The following MCPH1 variants were observed in gnomAD, a reference collection of about 807,000 sequenced individuals.
MCPH1 encodes the protein microcephalin 1, also known as microcephalin.
In MCPH1, 104 loss-of-function variants were observed where a neutral mutation model predicts 84.5. The ratio of observed to expected loss-of-function variants is 1.23; its 90% CI spans 1.05 to 1.45. The LOEUF (loss-of-function observed/expected upper bound fraction) is 1.45. Ranked by LOEUF, MCPH1 falls within the 40% of genes most tolerant of loss-of-function variation. The pLI is 0.00. For missense variants in MCPH1, 1,498 were observed against 1,005.7 expected, an observed-to-expected ratio of 1.49 and a Z score of -6.62; for synonymous variants, 514 against 366.8, an observed-to-expected ratio of 1.40 and a Z score of -4.58.
intron 12 of MCPH1, among the ~76,000 whole-genome samples, chr8:6,535,742 T>G (rs927953697): frequency 6.6e-6 from 1 of 152,140 alleles, no homozygotes; most frequent in Non-Finnish European, 1.5e-5. Flanking sequence ...GTAGATATTT[T>G]GTGTTGATTT....
chr8:6,530,562 C>G (rs1337308705), intron 12 of MCPH1, among the ~76,000 whole-genome samples: 2 of 79,058 alleles, frequency 2.5e-5, no homozygotes, highest in Non-Finnish European at 6.2e-5. Flanking sequence ...TACTTTTGGT[C>G]CAACCTAATA....
intron 13 of MCPH1, among the ~76,000 whole-genome samples, chr8:6,637,729 C>G (rs955832673): frequency 6.6e-6 from 1 of 152,062 alleles, no homozygotes; most frequent in Admixed American, 6.6e-5. Flanking sequence ...CTGGGCTCAA[C>G]GGATCCTCCT....
At chr8:6,527,285 C>T (rs2959814) in intron 12 of MCPH1, among the ~76,000 whole-genome samples, 81,884 of 147,992 alleles carry the variant, frequency 0.55, 24,186 homozygotes, top group East Asian at 0.94. Context: ...GATTAGCATG[C>T]AGAATACTGA....
intron 12 of MCPH1, among the ~76,000 whole-genome samples, chr8:6,555,449 C>G (rs1021193773): frequency 1.3e-5 from 2 of 148,284 alleles, no homozygotes; most frequent in Non-Finnish European, 3.0e-5. Context: ...ATTTGTTTTA[C>G]GGGGGGTGGT....
In MCPH1 at chr8:6,420,292, C is replaced by G. The variant is rs1030197628; in HGVS notation, c.233+5409C>G. The stretch of plus-strand genomic sequence containing the variant: ...TGTTGTGGCAGTTGTGCTGGGTGTC[C>G]TCTTTCTGAGACTTCTTTTACCTGT... On this transcript the variant is annotated intron_variant, in intron 3 of 13. Coordinates refer to ENST00000344683, the MANE Select transcript of MCPH1 (RefSeq NM_024596.5). Among the ~76,000 whole-genome samples the G allele has an allele frequency of 4.6e-5, 7 of 152,000 alleles. 1 individual carries two copies. The highest frequency in any genetic ancestry group is 1.7e-4 in the African/African-American group (7 of 41,386).
At chr8:6,493,256 C>T (rs1357620511) in intron 11 of MCPH1, among the ~76,000 whole-genome samples, 2 of 152,068 alleles carry the variant, frequency 1.3e-5, no homozygotes, top group Non-Finnish European at 2.9e-5. Flanking sequence ...AGCAGTTAAG[C>T]CTTAACATCG....
Position 6,409,335 on chromosome 8 carries a change from A to C in MCPH1, c.79A>C (p.Thr27Pro). The C allele has an allele frequency of 6.2e-7, 1 of 1,614,098 alleles. No homozygotes were observed. The highest frequency in any genetic ancestry group is 1.6e-4 in the Middle Eastern group (1 of 6,062). The change falls in exon 2 of 14, where the codon ACA (threonine) becomes CCA (proline). Residue 27 changes from threonine (T) to proline (P), a missense_variant. Coordinates refer to ENST00000344683, the MANE Select transcript of MCPH1 (RefSeq NM_024596.5). The stretch of plus-strand genomic sequence containing the variant: ...CAATGGAACAGAAAATTATTCAAAG[A>C]CATTTACAACACAGCTTGTGGATAT... ...SSNGTENYSK[T>P]FTTQLVDMGA...
At chr8:6,598,758 TAAG>T (rs1430657869) in intron 12 of MCPH1, among the ~76,000 whole-genome samples, 1 of 152,176 alleles carries the variant, frequency 6.6e-6, no homozygotes, top group Non-Finnish European at 1.5e-5. Flanking sequence ...GTGGTGGGAC[TAAG>T]AAGAGCCCCC....
At position 6,642,981 on chromosome 8, in the gene MCPH1, G is replaced by T; in HGVS notation, c.2453-13G>T. ...TATTATGAATGCTAAACTGCTTTTCGCTCTCTCTCTAGATTCCATCACCCA... is the reference window on the plus strand; with the variant it reads ...TATTATGAATGCTAAACTGCTTTTCTCTCTCTCTCTAGATTCCATCACCCA... On this transcript the variant is annotated splice_polypyrimidine_tract_variant and intron_variant, in intron 13 of 13. Coordinates refer to ENST00000344683, the MANE Select transcript of MCPH1 (RefSeq NM_024596.5). The T allele has an allele frequency of 6.2e-7, 1 of 1,612,818 alleles. No homozygotes were observed.
At chr8:6,407,369 A>G (rs1243390604) in intron 1 of MCPH1, among the ~76,000 whole-genome samples, 2 of 152,066 alleles carry the variant, frequency 1.3e-5, no homozygotes, top group Non-Finnish European at 2.9e-5. Flanking sequence ...TACAGGCAGA[A>G]ACTAAGGCAT....
chr8:6,445,131 C>G lies in MCPH1; in HGVS notation c.1409C>G (p.Thr470Arg). 1 of 1,614,222 alleles carries G rather than the reference C, an allele frequency of 6.2e-7. No individual in the cohort carries two copies. The highest frequency in any genetic ancestry group is 1.1e-5 in the South Asian group (1 of 91,088). ...DFSCVGKKTRTVDITNFTAKT... is the reference protein window; with the variant it reads ...DFSCVGKKTRRVDITNFTAKT... ...TCCTGCGTTGGCAAAAAAACCAGAACAGTTGACATTACCAATTTCACAGCA... is the reference window on the plus strand; with the variant it reads ...TCCTGCGTTGGCAAAAAAACCAGAAGAGTTGACATTACCAATTTCACAGCA... Residue 470 changes from threonine (T) to arginine (R), a missense_variant, in exon 8 of 14, where the codon ACA becomes AGA. Thr to Arg is a moderately conservative substitution (Grantham distance 71). Coordinates refer to ENST00000344683, the MANE Select transcript of MCPH1 (RefSeq NM_024596.5).
chr8:6,623,076 C>T (rs2129580993), intron 13 of MCPH1, among the ~76,000 whole-genome samples: 1 of 132,316 alleles, frequency 7.6e-6, no homozygotes, highest in East Asian at 2.3e-4. Flanking sequence ...TAGTCTCAAA[C>T]TCCGGGGCTC....
chr8:6,647,754 G>C lies in MCPH1; in HGVS notation c.*4705G>C, dbSNP rs1798282302. On this transcript the variant is annotated 3_prime_UTR_variant, in exon 14 of 14. Coordinates refer to ENST00000344683, the MANE Select transcript of MCPH1 (RefSeq NM_024596.5). ...ACAGATTCATGGTCTGCTGCAGCTG[G>C]GGATGGGAGTGGGAACAGAGAGCAA... 1 of 152,304 alleles carries C rather than the reference G, an allele frequency of 6.6e-6. No homozygotes were observed. The highest frequency in any genetic ancestry group is 1.9e-4 in the East Asian group (1 of 5,184). The allele number at this position is 152,304 out of a possible 1,614,324, so 9.4% of individuals were successfully genotyped here.
chr8:6,622,986 G>A (rs1381126074), intron 13 of MCPH1, among the ~76,000 whole-genome samples: 1 of 150,010 alleles, frequency 6.7e-6, no homozygotes, highest in Non-Finnish European at 1.5e-5. Context: ...AACTACAGGT[G>A]CACACCACGA....
chr8:6,515,808 G>T (rs940907227), intron 12 of MCPH1, among the ~76,000 whole-genome samples: 1 of 152,198 alleles, frequency 6.6e-6, no homozygotes, highest in Non-Finnish European at 1.5e-5. Context: ...TAATGGAGGC[G>T]ATTTGGCAGG....
At chr8:6,584,472 C>T (rs1196315194) in intron 12 of MCPH1, among the ~76,000 whole-genome samples, 1 of 152,192 alleles carries the variant, frequency 6.6e-6, no homozygotes, top group East Asian at 1.9e-4. Context: ...TTATTTTAAT[C>T]TCTGCTTATC....
intron 12 of MCPH1, among the ~76,000 whole-genome samples, chr8:6,522,030 T>C (rs1817446487): frequency 6.6e-6 from 1 of 152,122 alleles, no homozygotes; most frequent in East Asian, 1.9e-4. Flanking sequence ...ACCTAGGTCA[T>C]GGGGTTGGTG....
At chr8:6,551,668 A>T (rs1246822975) in intron 12 of MCPH1, among the ~76,000 whole-genome samples, 1 of 152,196 alleles carries the variant, frequency 6.6e-6, no homozygotes, top group Non-Finnish European at 1.5e-5. Flanking sequence ...GTCATTAACA[A>T]TTTTTTATAT....
intron 11 of MCPH1, among the ~76,000 whole-genome samples, chr8:6,485,856 C>A (rs1809825371): frequency 6.6e-6 from 1 of 151,932 alleles, no homozygotes; most frequent in Non-Finnish European, 1.5e-5. Flanking sequence ...GCAATGGTAA[C>A]CGCAATGGTA....
Sources: gnomAD v4.1 joint callset for allele counts (sites outside exome capture counted in the v4.1 genomes callset) on GRCh38, gnomAD v4.1.1 for gene constraint, MANE v1.5 for transcripts, NCBI Gene and HGNC (gene_info 2026-07-23, HGNC 2026-07-21) for gene names.